Variants in LPP observed in about 807,000 individuals in gnomAD.
LPP encodes the protein LIM domain containing preferred translocation partner in lipoma.
Under a neutral mutation model 60.4 loss-of-function variants are expected in LPP, and 38 were observed. The ratio of observed to expected loss-of-function variants is 0.63; its 90% CI spans 0.49 to 0.83. The LOEUF (loss-of-function observed/expected upper bound fraction) is 0.83. Among genes scored for constraint, LPP ranks in the 40% least tolerant of loss-of-function variants. LPP has a pLI of 0.00. For missense variants in LPP, 902 were observed against 783.6 expected (o/e 1.15, Z -1.80); for synonymous variants, 328 against 290.8 (o/e 1.13, Z -1.30).
intron 2 of LPP, among the ~76,000 whole-genome samples, chr3:188,304,507 T>C (rs1750894077): frequency 6.6e-6 from 1 of 152,212 alleles, no homozygotes; most frequent in Non-Finnish European, 1.5e-5. Flanking sequence ...ATACTTTCTC[T>C]CCCCTTTAAA....
chr3:188,600,690 A>G (rs1840970264), intron 6 of LPP, among the ~76,000 whole-genome samples: 1 of 152,172 alleles, frequency 6.6e-6, no homozygotes. Flanking sequence ...TCCATTAAAC[A>G]ATAATGCACT....
chr3:188,528,940 A>G (rs1009205420), intron 6 of LPP, among the ~76,000 whole-genome samples: 1 of 152,250 alleles, frequency 6.6e-6, no homozygotes, highest in Admixed American at 6.5e-5. Context: ...GTCAAAAAAA[A>G]TTAATTGTAA....
At chr3:188,657,263 T>TATATATATATATATATATATATATATA (rs1560019880) in intron 7 of LPP, among the ~76,000 whole-genome samples, 1 of 138,518 alleles carries the variant, frequency 7.2e-6, no homozygotes, top group Non-Finnish European at 1.5e-5. Flanking sequence ...AAGGTGTATA[T>TATATATATATATATATATATATATATA]ATATATATAT....
At chr3:188,762,198 C>T (rs187326585) in intron 9 of LPP, among the ~76,000 whole-genome samples, 234 of 152,236 alleles carry the variant, frequency 1.5e-3, no homozygotes, top group African/African-American at 5.3e-3. Flanking sequence ...ATTTGAATTT[C>T]GTTACGTCAC....
rs576167874 is a variant in LPP, at chr3:188,643,147, T to C, written c.1113+33303T>C. ...ATTTTGAATGTTTAGAGCTAGAAAT[T>C]GAATATTCATTATTCTAGCCCAGAC... On this transcript the variant is annotated intron_variant, in intron 7 of 11. Coordinates refer to ENST00000617246, the MANE Select transcript of LPP (RefSeq NM_001375462.1). Among the ~76,000 whole-genome samples, 25 of 152,286 alleles carry C rather than the reference T, an allele frequency of 1.6e-4. No homozygotes were observed. In the East Asian group the frequency reaches 4.4e-3, roughly 27 times the overall value.
intron 5 of LPP, 37 bp from the exon 6 acceptor site, chr3:188,524,628 A>G (rs760325576): frequency 6.3e-6 from 10 of 1,579,630 alleles, no homozygotes; most frequent in African/African-American, 2.7e-5. Context: ...ATCAAGGGAA[A>G]TTTCCTTTGT....
intron 9 of LPP, among the ~76,000 whole-genome samples, chr3:188,775,876 A>G (rs1387242212): frequency 6.6e-6 from 1 of 152,238 alleles, no homozygotes; most frequent in Non-Finnish European, 1.5e-5. Flanking sequence ...GGTATTTCTG[A>G]GTTCCTATAA....
intron 9 of LPP, among the ~76,000 whole-genome samples, chr3:188,762,402 A>G (rs1266917757): frequency 6.6e-6 from 1 of 152,216 alleles, no homozygotes; most frequent in Non-Finnish European, 1.5e-5. Context: ...TGTTTCTGAA[A>G]CTGTTTAATA....
intron 9 of LPP, among the ~76,000 whole-genome samples, chr3:188,823,171 T>C (rs1352431777): frequency 1.3e-5 from 2 of 152,136 alleles, no homozygotes; most frequent in Admixed American, 1.3e-4. Context: ...CTAGAAGAGA[T>C]GGGTGAAAAT....
At position 188,286,736 on chromosome 3, in the gene LPP, G is replaced by C. The variant is rs1201197687; in HGVS notation, c.-66-54927G>C. Among the ~76,000 whole-genome samples the C allele has an allele frequency of 2.0e-5, 3 of 152,094 alleles. No individual in the cohort carries two copies. The East Asian group carries it at 5.8e-4, about 29-fold the overall frequency. On this transcript the variant is annotated intron_variant, in intron 2 of 11. Transcript: ENST00000617246. ...ATGAGCCATTCTGTTTTTGCTTGCT[G>C]TCCAAGGCCTCTAATATTAAGCCTG...
chr3:188,305,348 C>T (rs1306744784), intron 2 of LPP, among the ~76,000 whole-genome samples: 1 of 152,110 alleles, frequency 6.6e-6, no homozygotes, highest in East Asian at 1.9e-4. Context: ...ACATTGGTAG[C>T]AGGTGTGGAT....
chr3:188,554,492 A>G (rs1479057163), intron 6 of LPP, among the ~76,000 whole-genome samples: 2 of 152,190 alleles, frequency 1.3e-5, no homozygotes, highest in African/African-American at 4.8e-5. Context: ...ATGGAATAGG[A>G]GAACCCATAG....
chr3:188,759,769 C>G (rs1392691316), intron 8 of LPP, among the ~76,000 whole-genome samples: 1 of 152,172 alleles, frequency 6.6e-6, no homozygotes, highest in Non-Finnish European at 1.5e-5. Flanking sequence ...TCCAAACATC[C>G]TGAGTCATGT....
chr3:188,279,212 G>A (rs145984735), intron 2 of LPP, among the ~76,000 whole-genome samples: 29 of 152,280 alleles, frequency 1.9e-4, no homozygotes, highest in African/African-American at 4.3e-4. Flanking sequence ...AGGAAATGGC[G>A]TAGAAGCCAT....
intron 1 of LPP, among the ~76,000 whole-genome samples, chr3:188,196,878 C>G (rs1729691483): frequency 6.6e-6 from 1 of 152,168 alleles, no homozygotes; most frequent in Admixed American, 6.5e-5. Flanking sequence ...GTCTGAAACA[C>G]CATTGCCCAC....
chr3:188,441,609 C>CTTGTTTTTTTTTTTTTTTT (rs1793884803), intron 4 of LPP, among the ~76,000 whole-genome samples: 1 of 55,652 alleles, frequency 1.8e-5, no homozygotes, highest in Non-Finnish European at 3.4e-5. Flanking sequence ...CTTTTCTTTT[C>CTTGTTTTTTTTTTTTTTTT]TTTTTTTTTT....
chr3:188,683,841 C>T (rs1048504758), intron 7 of LPP, among the ~76,000 whole-genome samples: 7 of 152,112 alleles, frequency 4.6e-5, no homozygotes, highest in African/African-American at 1.7e-4. Flanking sequence ...GTCAAGAAAC[C>T]TTATTCTATG....
At chr3:188,251,482 C>G (rs549534536) in intron 2 of LPP, among the ~76,000 whole-genome samples, 217 of 152,138 alleles carry the variant, frequency 1.4e-3, no homozygotes, top group African/African-American at 5.2e-3. Flanking sequence ...TAGCCTCTTT[C>G]AATGACTGGA....
intron 7 of LPP, among the ~76,000 whole-genome samples, chr3:188,667,081 A>T (rs1216221355): frequency 6.6e-6 from 1 of 152,206 alleles, no homozygotes; most frequent in African/African-American, 2.4e-5. Context: ...CGTAGGATTC[A>T]TTTAAAATCC....
Sources: allele counts gnomAD v4.1 joint callset (sites outside exome capture counted in the v4.1 genomes callset), GRCh38; gene constraint gnomAD v4.1.1; transcripts MANE v1.5; gene names NCBI Gene and HGNC (gene_info 2026-07-23, HGNC 2026-07-21).